Variants in TEX9 observed in about 807,000 individuals in gnomAD.
TEX9 encodes the protein testis-expressed protein 9.
In TEX9, 74 loss-of-function variants were observed where a neutral mutation model predicts 59.6. That is an observed-to-expected ratio of 1.24 (90% CI 1.03 to 1.51). TEX9 has a LOEUF of 1.51. TEX9 is among the 40% of genes most tolerant of loss of function. TEX9 has a pLI of 0.00. For missense variants in TEX9, 522 were observed against 447.8 expected (o/e 1.17, Z -1.49); for synonymous variants, 186 against 152.2 (o/e 1.22, Z -1.64).
chr15:56,330,397 T>C (rs79004662), intron 1 of TEX9, among the ~76,000 whole-genome samples: 3,882 of 152,220 alleles, frequency 0.026, 165 homozygotes, highest in African/African-American at 0.088. Flanking sequence ...TATTGCACTG[T>C]ATGGTTGTAA....
intron 12 of TEX9, chr15:56,428,780 G>T (rs529801792): frequency 5.7e-6 from 2 of 349,678 alleles, no homozygotes; most frequent in Non-Finnish European, 1.0e-5. Context: ...AGTAAAGTTC[G>T]TAAACACAGA....
intron 1 of TEX9, among the ~76,000 whole-genome samples, chr15:56,316,737 C>T (rs1329500439): frequency 2.0e-5 from 3 of 152,186 alleles, no homozygotes; most frequent in African/African-American, 7.2e-5. Context: ...TGGTGGGCGC[C>T]CCTCCCCCAG....
intron 4 of TEX9, among the ~76,000 whole-genome samples, chr15:56,385,087 G>A (rs533535644): frequency 6.6e-6 from 1 of 152,278 alleles, no homozygotes; most frequent in Non-Finnish European, 1.5e-5. Context: ...ATTTGTCTCA[G>A]CATTATTTGT....
intron 1 of TEX9, among the ~76,000 whole-genome samples, chr15:56,272,747 G>C (rs74247161): frequency 1.3e-5 from 2 of 151,978 alleles, no homozygotes; most frequent in Non-Finnish European, 2.9e-5. Context: ...TTAAAAAAAT[G>C]TATAACATAC....
At chr15:56,252,975 C>A (rs1258259460) in intron 1 of TEX9, among the ~76,000 whole-genome samples, 1 of 152,096 alleles carries the variant, frequency 6.6e-6, no homozygotes, top group Non-Finnish European at 1.5e-5. Context: ...AATTTCCCTT[C>A]CTTTTTTTCT....
At chr15:56,347,040 G>T (rs2046484602) in intron 1 of TEX9, among the ~76,000 whole-genome samples, 1 of 152,164 alleles carries the variant, frequency 6.6e-6, no homozygotes, top group South Asian at 2.1e-4. Context: ...CGTAGGACTT[G>T]TATGGTGAAA....
At chr15:56,352,401 C>T (rs966905530) in intron 1 of TEX9, among the ~76,000 whole-genome samples, 13 of 151,132 alleles carry the variant, frequency 8.6e-5, no homozygotes, top group Admixed American at 6.0e-4. Context: ...CCCACTACCA[C>T]GCCCAGCTAA....
intron 1 of TEX9, among the ~76,000 whole-genome samples, chr15:56,351,303 A>C (rs544499981): frequency 2.0e-4 from 31 of 152,158 alleles, no homozygotes; most frequent in Non-Finnish European, 3.8e-4. Context: ...TGTCTCAATG[A>C]GATAATGAAG....
intron 1 of TEX9, among the ~76,000 whole-genome samples, chr15:56,255,639 T>A (rs976163260): frequency 3.3e-5 from 5 of 152,214 alleles, no homozygotes; most frequent in African/African-American, 1.2e-4. Flanking sequence ...AAAATGTTCA[T>A]ATTAGTGAAA....
chr15:56,338,980 G>T (rs1234093142), intron 1 of TEX9, among the ~76,000 whole-genome samples: 1 of 152,114 alleles, frequency 6.6e-6, no homozygotes, highest in African/African-American at 2.4e-5. Flanking sequence ...ATGCTCTGGT[G>T]TGCATGTATT....
At chr15:56,394,807 A>C (rs771617750) in exon 9 of TEX9, 2 of 1,612,214 alleles carry the variant, frequency 1.2e-6, no homozygotes, top group Non-Finnish European at 1.7e-6. Context: ...ATGATGGATT[A>C]CAGCAACAGT....
chr15:56,371,760 TG>T (rs2047201601), intron 2 of TEX9, among the ~76,000 whole-genome samples: 1 of 152,222 alleles, frequency 6.6e-6, no homozygotes, highest in African/African-American at 2.4e-5. Flanking sequence ...AGTTTTTCCA[TG>T]GTGTCCTTGT....
chr15:56,416,262 T>G (rs531885583), intron 10 of TEX9, among the ~76,000 whole-genome samples: 9 of 151,822 alleles, frequency 5.9e-5, no homozygotes, highest in Non-Finnish European at 1.3e-4. Context: ...TGTTGAATAG[T>G]GTTGAGAGAG....
At chr15:56,428,521 T>C (rs2050439393) in intron 12 of TEX9, 1 of 985,344 alleles carries the variant, frequency 1.0e-6, no homozygotes, top group East Asian at 2.4e-5. Flanking sequence ...TTGAATTATT[T>C]TTATTCTTCA....
At chr15:56,260,300 T>C (rs1251620929) in intron 1 of TEX9, among the ~76,000 whole-genome samples, 5 of 152,028 alleles carry the variant, frequency 3.3e-5, no homozygotes, top group Non-Finnish European at 7.4e-5. Flanking sequence ...TATATTTGAG[T>C]GGTTTCTGAA....
At chr15:56,443,674 T>C (rs1596262111) in intron 12 of TEX9, 1 of 1,613,420 alleles carries the variant, frequency 6.2e-7, no homozygotes, top group Non-Finnish European at 8.5e-7. Context: ...CCTCATTTTC[T>C]TGAACTTTTG....
At chr15:56,304,526 GA>G (rs2045432930) in intron 1 of TEX9, among the ~76,000 whole-genome samples, 1 of 152,106 alleles carries the variant, frequency 6.6e-6, no homozygotes, top group South Asian at 2.1e-4. Context: ...TCATTCTGTT[GA>G]TATGATGTAT....
upstream of TEX9, among the ~76,000 whole-genome samples, chr15:56,363,850 CT>C (rs202238176): frequency 9.3e-4 from 129 of 139,412 alleles, no homozygotes; most frequent in Non-Finnish European, 1.0e-3. Flanking sequence ...TATCTATTTC[CT>C]TTTTTTTTTT....
chr15:56,456,482 G>C, the TEX9 span: 2 of 1,611,524 alleles, frequency 1.2e-6, no homozygotes, highest in Non-Finnish European at 1.7e-6. Flanking sequence ...TTTTCTTCTT[G>C]TTTGAGCTGG....
Sources: gnomAD v4.1 joint callset for allele counts (sites outside exome capture counted in the v4.1 genomes callset) on GRCh38, gnomAD v4.1.1 for gene constraint, MANE v1.5 for transcripts, NCBI Gene and HGNC (gene_info 2026-07-23, HGNC 2026-07-21) for gene names.